The following GOLGA1 variants were observed in gnomAD, a reference collection of about 807,000 sequenced individuals.
GOLGA1 encodes the protein golgin subfamily A member 1.
Under a neutral mutation model 119.7 loss-of-function variants are expected in GOLGA1, and 63 were observed. That is an observed-to-expected ratio of 0.53 (90% CI 0.43 to 0.65). GOLGA1 has a LOEUF of 0.65. Ranked by LOEUF, GOLGA1 falls within the 30% of genes least tolerant of loss-of-function variation. The probability of loss-of-function intolerance (pLI) is 0.00; values close to 1 mark genes in which losing one functional copy is unlikely to be tolerated. For synonymous variants in GOLGA1, 318 were observed against 333.4 expected, an observed-to-expected ratio of 0.95 and a Z score of 0.50; for missense variants, 798 against 912.8, an observed-to-expected ratio of 0.87 and a Z score of 1.62.
At chr9:124,898,446 T>C (rs1830024887) in intron 15 of GOLGA1, 103 bp downstream of exon 15, 1 of 697,926 alleles carries the variant, frequency 1.4e-6, no homozygotes, top group Non-Finnish European at 2.5e-6. Flanking sequence ...CAAATGCTAA[T>C]TCTCCTCCTC....
chr9:124,938,173 T>C (rs994435773), intron 3 of GOLGA1, among the ~76,000 whole-genome samples: 1 of 151,672 alleles, frequency 6.6e-6, no homozygotes, highest in Non-Finnish European at 1.5e-5. Context: ...AATACAACAA[T>C]GCACTCTTGC....
At chr9:124,947,085 T>C (rs1831156463) in intron 1 of GOLGA1, 1 of 152,084 alleles carries the variant, frequency 6.6e-6, no homozygotes, top group South Asian at 2.1e-4. Flanking sequence ...AAAGAATTGT[T>C]CCAAAATCAA....
At chr9:124,936,382 G>A (rs956684980) in intron 3 of GOLGA1, among the ~76,000 whole-genome samples, 2 of 152,118 alleles carry the variant, frequency 1.3e-5, no homozygotes, top group African/African-American at 4.8e-5. Flanking sequence ...CAATTCAAAT[G>A]TCTATCGCCA....
chr9:124,914,417 C>T (rs1422704319), intron 10 of GOLGA1, among the ~76,000 whole-genome samples: 2 of 151,954 alleles, frequency 1.3e-5, no homozygotes, highest in East Asian at 3.9e-4. Flanking sequence ...GGGAGAACGG[C>T]GTGAACCTGG....
At chr9:124,914,205 G>T (rs1830393724) in intron 10 of GOLGA1, among the ~76,000 whole-genome samples, 2 of 152,282 alleles carry the variant, frequency 1.3e-5, no homozygotes, top group African/African-American at 4.8e-5. Context: ...TCTTGAAAAA[G>T]AATAACTGTA....
At chr9:124,891,882 TG>T (rs760338347) in intron 15 of GOLGA1, among the ~76,000 whole-genome samples, 2 of 152,084 alleles carry the variant, frequency 1.3e-5, no homozygotes, top group Non-Finnish European at 2.9e-5. Flanking sequence ...TGACCTTAGG[TG>T]ATCTACCTGC....
Position 124,928,169 on chromosome 9 carries a change from A to G in GOLGA1, c.399+19T>C, listed in dbSNP as rs1488985323. 1 of 1,123,436 alleles carries G rather than the reference A, an allele frequency of 8.9e-7. No individual in the cohort carries two copies. Among genetic ancestry groups the G allele is most frequent in the East Asian group, 2.4e-5 (1 of 41,270 alleles). The allele number at this position is 1,123,436 out of a possible 1,614,324, so 69.6% of individuals were successfully genotyped here. ...TGAAATCTTTCCACCAGTTCTGGGC[A>G]GTGCCACATATAAAATACCTGGTCC... On this transcript the variant is annotated intron_variant, in intron 6 of 22. Coordinates refer to ENST00000373555, the MANE Select transcript of GOLGA1 (RefSeq NM_002077.4).
intron 2 of GOLGA1, 114 bp from the exon 3 acceptor site, chr9:124,938,980 T>G (rs939057465): frequency 6.3e-6 from 2 of 319,252 alleles, no homozygotes; most frequent in East Asian, 1.2e-4. Flanking sequence ...TGTACACTTA[T>G]AGAACACAAT....
At chr9:124,915,686 C>T (rs1218065105) in intron 10 of GOLGA1, among the ~76,000 whole-genome samples, 8 of 151,860 alleles carry the variant, frequency 5.3e-5, no homozygotes, top group Non-Finnish European at 1.2e-4. Context: ...CTTTTCTCTA[C>T]AAAAGTAAAA....
chr9:124,881,510 T>G lies in GOLGA1; in HGVS notation c.2137-253A>C, dbSNP rs1289141714. Among the ~76,000 whole-genome samples the G allele has an allele frequency of 1.3e-5, 2 of 152,190 alleles. No individual in the cohort carries two copies. Among genetic ancestry groups the G allele is most frequent in the East Asian group, 3.9e-4 (2 of 5,190 alleles). On this transcript the variant is annotated intron_variant, in intron 21 of 22. Transcript: ENST00000373555. The surrounding 1 kb of genome is among the most constrained non-coding windows in gnomAD (Gnocchi z 4.9). ...CAGGACCCAGGAGCGATGGGTGGAT[T>G]CCGTTCCCGGCTTCCGGCCTCTGGC... is the stretch of plus-strand genomic sequence containing the variant.
In GOLGA1 at chr9:124,888,152, G is replaced by A. The variant is rs940179113; in HGVS notation, c.1905+101C>T. 7 of 1,093,418 alleles carry A rather than the reference G, an allele frequency of 6.4e-6. No homozygotes were observed. The highest frequency in any genetic ancestry group is 1.4e-5 in the South Asian group (1 of 72,846). The allele number at this position is 1,093,418 out of a possible 1,614,324, so 67.7% of individuals were successfully genotyped here. On this transcript the variant is annotated intron_variant, in intron 19 of 22. Transcript: ENST00000373555. This position sits in a 1 kb window ranked among gnomAD's most constrained non-coding sequence, Gnocchi z 4.4. ...AGGGGTCATGGTTGCCAGGAGGTGCGGGGGAAACCACAAAAACCTCCAAGG... is the reference window on the plus strand; with the variant it reads ...AGGGGTCATGGTTGCCAGGAGGTGCAGGGGAAACCACAAAAACCTCCAAGG...
intron 3 of GOLGA1, among the ~76,000 whole-genome samples, chr9:124,931,760 G>A (rs559439170): frequency 2.0e-5 from 3 of 152,120 alleles, no homozygotes; most frequent in Non-Finnish European, 4.4e-5. Flanking sequence ...TAAAGAAGGC[G>A]GGGGTTCTTT....
At chr9:124,933,974 G>A (rs1830818771) in intron 3 of GOLGA1, among the ~76,000 whole-genome samples, 1 of 151,808 alleles carries the variant, frequency 6.6e-6, no homozygotes. Context: ...TCCTTTCACT[G>A]TAATAAATGA....
rs33934422 is a variant in GOLGA1, at chr9:124,935,763, C to CA, written c.135+2813dup. Among the ~76,000 whole-genome samples, 585 of 103,494 alleles carry CA rather than the reference C, an allele frequency of 5.7e-3. 3 individuals carry two copies. Among genetic ancestry groups the CA allele is most frequent in the Non-Finnish European group, 9.6e-3 (470 of 48,982 alleles). 67.9% of individuals were successfully genotyped at this position (103,494 alleles called of 152,430 possible). A position where few individuals can be genotyped will look rare whatever the true frequency, so the allele number is the denominator to read the frequency against. On this transcript the variant is annotated intron_variant, in intron 3 of 22. Coordinates refer to ENST00000373555, the MANE Select transcript of GOLGA1 (RefSeq NM_002077.4). ...GGGCGACACAGCAAGACTCTGTCTC[C>CA]AAAAAAAAAAAAAAAAAAGAAAGAA...
chr9:124,898,688 A>AT (rs1830033227), intron 14 of GOLGA1, 44 bp from the exon 15 acceptor site: 1 of 1,155,822 alleles, frequency 8.7e-7, no homozygotes, highest in South Asian at 1.2e-5. Flanking sequence ...CTTCACTACC[A>AT]TATTTCCCTG....
chr9:124,942,770 A>G (rs1831077727), upstream of GOLGA1: 1 of 152,226 alleles, frequency 6.6e-6, no homozygotes, highest in African/African-American at 2.4e-5. Flanking sequence ...GACAACAAAA[A>G]TCAAATATTC....
intron 7 of GOLGA1, among the ~76,000 whole-genome samples, chr9:124,924,017 G>A (rs1176944183): frequency 2.0e-5 from 3 of 151,922 alleles, no homozygotes; most frequent in African/African-American, 7.3e-5. Flanking sequence ...CACCATGCCC[G>A]GCTAATTTTT....
rs374280907 is a variant in GOLGA1, at chr9:124,881,947, C to T, written c.1973G>A (p.Arg658Lys). The T allele has an allele frequency of 3.9e-5, 63 of 1,600,310 alleles. No homozygotes were observed. The highest frequency in any genetic ancestry group is 5.1e-5 in the Non-Finnish European group (60 of 1,174,766). ...GACTTCGAAGAGCTCATTATCGGGT[C>T]TGATTTTCTGAAAAACCAGTGGGAA... ...RKTLQKELKIRPDNELFEVRE... is the reference protein window; with the variant it reads ...RKTLQKELKIKPDNELFEVRE... Residue 658 changes from arginine (R) to lysine (K), a missense_variant, in exon 21 of 23, where the codon AGA becomes AAA. Transcript: ENST00000373555. The surrounding 1 kb of genome is among the most constrained non-coding windows in gnomAD (Gnocchi z 4.9).
chr9:124,931,664 C>G (rs971520960), intron 3 of GOLGA1, among the ~76,000 whole-genome samples: 37 of 152,038 alleles, frequency 2.4e-4, no homozygotes, highest in African/African-American at 7.0e-4. Flanking sequence ...TAAATAGATC[C>G]ATTATTACAG....
Sources: gnomAD v4.1 joint callset for allele counts (sites outside exome capture counted in the v4.1 genomes callset) on GRCh38, gnomAD v4.1.1 for gene constraint, Gnocchi (gnomAD v3.1) non-coding constraint, MANE v1.5 for transcripts, NCBI Gene and HGNC (gene_info 2026-07-23, HGNC 2026-07-21) for gene names.